Variants in RXFP1 observed in about 807,000 individuals in gnomAD.
The protein encoded by RXFP1 is relaxin receptor 1.
A neutral mutation model predicts 89.8 loss-of-function variants in RXFP1; 73 were observed. The observed-to-expected ratio is 0.81, with a 90% confidence interval of 0.67 to 0.99. The LOEUF is 0.99. Among genes scored for constraint, RXFP1 ranks in the 50% least tolerant of loss-of-function variants. RXFP1 has a pLI of 0.00. For missense variants in RXFP1, 793 were observed against 895.5 expected (o/e 0.89, Z 1.46); for synonymous variants, 277 against 305.5 (o/e 0.91, Z 0.97).
intron 2 of RXFP1, among the ~76,000 whole-genome samples, chr4:158,584,393 C>G (rs1008902129): frequency 6.6e-6 from 1 of 151,026 alleles, no homozygotes; most frequent in African/African-American, 2.4e-5. Context: ...AAGATCATGC[C>G]ACTGCACTCC....
chr4:158,644,067 C>T (rs1382748898), intron 14 of RXFP1, among the ~76,000 whole-genome samples: 1 of 119,304 alleles, frequency 8.4e-6, no homozygotes, highest in African/African-American at 3.4e-5. Context: ...TTTTTGGAGA[C>T]AGAGTCTCGC....
At chr4:158,531,032 C>A (rs945158654) in intron 1 of RXFP1, among the ~76,000 whole-genome samples, 1 of 152,140 alleles carries the variant, frequency 6.6e-6, no homozygotes, top group Non-Finnish European at 1.5e-5. Context: ...CTTCAATCCC[C>A]TAGAGGCTTT....
chr4:158,626,147 GAT>G (rs1766745371), intron 9 of RXFP1, among the ~76,000 whole-genome samples: 1 of 149,544 alleles, frequency 6.7e-6, no homozygotes, highest in Non-Finnish European at 1.5e-5. Context: ...TAGATAGATA[GAT>G]AGATAGATAG....
rs374185377 is a variant in RXFP1 at position 158,628,718 on chromosome 4, G to A, written c.899+9G>A. ...CAGAAACTGGATGAATTGTAAGTAT[G>A]ACTGAACATATACTGATAAGAATTT... On this transcript the variant is annotated intron_variant, in intron 11 of 17. Coordinates refer to ENST00000307765, the MANE Select transcript of RXFP1 (RefSeq NM_021634.4). 1.4e-6 allele frequency: 2 copies of A among 1,469,940 alleles called. No individual in the cohort carries two copies. Among genetic ancestry groups the A allele is most frequent in the African/African-American group, 2.8e-5 (2 of 71,660 alleles). 91.1% of individuals were successfully genotyped at this position (1,469,940 alleles called of 1,614,324 possible). A position where few individuals can be genotyped will look rare whatever the true frequency, so the allele number is the denominator to read the frequency against.
Position 158,577,338 on chromosome 4 carries a change from G to A in RXFP1, c.187+4503G>A, listed in dbSNP as rs989186941. Among the ~76,000 whole-genome samples the A allele has an allele frequency of 6.6e-5, 10 of 151,994 alleles. No individual in the cohort carries two copies. The East Asian group carries it at 9.6e-4, about 15-fold the overall frequency. On this transcript the variant is annotated intron_variant, in intron 2 of 17. Coordinates refer to ENST00000307765, the MANE Select transcript of RXFP1 (RefSeq NM_021634.4). ...AGGCATGAGCCCACCGCACCTGATC[G>A]GCTGTTCATTTTTAAAACATCCATA...
intron 1 of RXFP1, among the ~76,000 whole-genome samples, chr4:158,561,626 C>CTTTTTTTTTTT (rs70962615): frequency 2.7e-5 from 3 of 112,620 alleles, no homozygotes; most frequent in Admixed American, 1.0e-4. Context: ...TTCTTTTTTT[C>CTTTTTTTTTTT]TTTTTTTTTT....
chr4:158,631,454 A>C (rs1255130852), intron 11 of RXFP1, among the ~76,000 whole-genome samples: 1 of 152,248 alleles, frequency 6.6e-6, no homozygotes, highest in East Asian at 1.9e-4. Context: ...TCTTGTACTC[A>C]AAGAACTCAC....
chr4:158,557,026 T>C (rs1751459303), intron 1 of RXFP1, among the ~76,000 whole-genome samples: 1 of 152,170 alleles, frequency 6.6e-6, no homozygotes, highest in South Asian at 2.1e-4. Context: ...AGAGTGACTA[T>C]GGTTAACAGT....
intron 1 of RXFP1, among the ~76,000 whole-genome samples, chr4:158,566,804 C>T (rs147455432): frequency 3.9e-4 from 59 of 152,388 alleles, no homozygotes; most frequent in African/African-American, 8.4e-4. Flanking sequence ...AGCCCTCGCT[C>T]GCTCTCGGCA....
intron 1 of RXFP1, chr4:158,543,677 T>A (rs1166499053): frequency 4.0e-6 from 3 of 754,160 alleles, no homozygotes; most frequent in Non-Finnish European, 4.8e-6. Context: ...TTCCATTTCA[T>A]ATTTCTTCTC....
At chr4:158,567,941 C>T (rs1346240907) in intron 1 of RXFP1, among the ~76,000 whole-genome samples, 1 of 152,198 alleles carries the variant, frequency 6.6e-6, no homozygotes, top group Non-Finnish European at 1.5e-5. Flanking sequence ...TGCAATAAAT[C>T]TTGCAGCTGC....
chr4:158,601,136 T>C (rs1044272301), intron 4 of RXFP1, among the ~76,000 whole-genome samples: 9 of 151,758 alleles, frequency 5.9e-5, no homozygotes, highest in African/African-American at 2.2e-4. Flanking sequence ...TTTTAAAAAT[T>C]GTCATGATCT....
At chr4:158,606,750 CTTT>C (rs552763586) in intron 5 of RXFP1, among the ~76,000 whole-genome samples, 6 of 137,990 alleles carry the variant, frequency 4.3e-5, no homozygotes, top group Non-Finnish European at 4.8e-5. Flanking sequence ...CACCTGGCTC[CTTT>C]TTTTTTTTTT....
At chr4:158,535,025 A>C (rs1258077815) in intron 1 of RXFP1, among the ~76,000 whole-genome samples, 4 of 151,052 alleles carry the variant, frequency 2.6e-5, no homozygotes, top group Non-Finnish European at 4.4e-5. Context: ...ATCTCATTTT[A>C]TAAAACGAGA....
intron 1 of RXFP1, among the ~76,000 whole-genome samples, chr4:158,570,066 TCAAA>T (rs1754710896): frequency 1.3e-5 from 2 of 152,208 alleles, no homozygotes; most frequent in African/African-American, 4.8e-5. Flanking sequence ...GCTTGGACAC[TCAAA>T]CATTCTTTCC....
In RXFP1 at chr4:158,653,168, C is replaced by G. The variant is rs866661642; in HGVS notation, c.*1113C>G. The G allele has an allele frequency of 6.6e-6, 1 of 152,190 alleles. No homozygotes were observed. The highest frequency in any genetic ancestry group is 1.9e-4 in the East Asian group (1 of 5,200). 9.4% of individuals were successfully genotyped at this position (152,190 alleles called of 1,614,324 possible). ...ACTAACTTTTTAACTAGTTGTTCTT[C>G]TCTAGTCTCTACGTTATTAGAATTT... On this transcript the variant is annotated 3_prime_UTR_variant, in exon 18 of 18. Coordinates refer to ENST00000307765, the MANE Select transcript of RXFP1 (RefSeq NM_021634.4).
Position 158,628,722 on chromosome 4 carries a change from G to T in RXFP1, c.899+13G>T. On this transcript the variant is annotated intron_variant, in intron 11 of 17. Transcript: ENST00000307765. The stretch of plus-strand genomic sequence containing the variant: ...AACTGGATGAATTGTAAGTATGACT[G>T]AACATATACTGATAAGAATTTTCTT... 7.1e-7 allele frequency: 1 copy of T among 1,408,338 alleles called. No homozygotes were observed. The highest frequency in any genetic ancestry group is 1.2e-5 in the South Asian group (1 of 80,196). 87.2% of individuals were successfully genotyped at this position (1,408,338 alleles called of 1,614,324 possible). A position where few individuals can be genotyped will look rare whatever the true frequency, so the allele number is the denominator to read the frequency against.
In RXFP1 at chr4:158,617,189, C is replaced by G; in HGVS notation, c.739C>G (p.Pro247Ala). 6.2e-7 allele frequency: 1 copy of G among 1,609,800 alleles called. No homozygotes were observed. The highest frequency in any genetic ancestry group is 8.5e-7 in the Non-Finnish European group (1 of 1,177,482). ...TGATAAACCTCTCTGTCAACACATG[C>G]CAAGACTACATTGGCTGTAAGCGAT... ...LPDKPLCQHM[P>A]RLHWLDLEGN... is the part of the protein sequence containing the mutation. The change falls in exon 9 of 18, where the codon CCA becomes GCA. Residue 247 changes from proline to alanine, a missense_variant. Physicochemically the swap from Pro to Ala is conservative, Grantham distance 27 (BLOSUM62 -1). Coordinates refer to ENST00000307765, the MANE Select transcript of RXFP1 (RefSeq NM_021634.4).
At chr4:158,614,530 T>C (rs1400027281) in intron 8 of RXFP1, among the ~76,000 whole-genome samples, 2 of 152,242 alleles carry the variant, frequency 1.3e-5, no homozygotes, top group African/African-American at 2.4e-5. Context: ...CCTTTCCTTA[T>C]GAATCAACAT....
Sources: allele counts gnomAD v4.1 joint callset (sites outside exome capture counted in the v4.1 genomes callset), GRCh38; gene constraint gnomAD v4.1.1; transcripts MANE v1.5; gene names NCBI Gene and HGNC (gene_info 2026-07-23, HGNC 2026-07-21).